Variants in FAM13A observed in about 807,000 individuals in gnomAD.
FAM13A encodes the protein protein FAM13A.
Under a neutral mutation model 129.6 loss-of-function variants are expected in FAM13A, and 76 were observed. The ratio of observed to expected loss-of-function variants is 0.59; its 90% confidence interval spans 0.49 to 0.71. The LOEUF (loss-of-function observed/expected upper bound fraction) is 0.71. Ranked by LOEUF, FAM13A falls within the 30% of genes least tolerant of loss-of-function variation. FAM13A has a pLI of 0.00. For missense variants in FAM13A, 1,108 were observed against 1,249.3 expected, an observed-to-expected ratio of 0.89 and a Z score of 1.70; for synonymous variants, 443 against 449.9, an observed-to-expected ratio of 0.98 and a Z score of 0.20.
chr4:88,984,648 G>T (rs1420910559), intron 4 of FAM13A, among the ~76,000 whole-genome samples: 2 of 152,122 alleles, frequency 1.3e-5, no homozygotes, highest in Admixed American at 1.3e-4. Context: ...AGAGAAACTG[G>T]TTCGCCCATA....
chr4:88,898,407 A>T (rs1478579285), intron 6 of FAM13A, among the ~76,000 whole-genome samples: 1 of 152,176 alleles, frequency 6.6e-6, no homozygotes, highest in East Asian at 1.9e-4. Context: ...ATATTTCAGT[A>T]AAAAAGACAC....
At chr4:88,791,645 A>C (rs531266054) in intron 8 of FAM13A, among the ~76,000 whole-genome samples, 1 of 152,226 alleles carries the variant, frequency 6.6e-6, no homozygotes, top group East Asian at 1.9e-4. Context: ...TTCTTTGTAG[A>C]GACATTCAAA....
rs370019942 is a variant in FAM13A at position 88,889,436 on chromosome 4, C to T, written c.843+16943G>A. Among the ~76,000 whole-genome samples, 27 of 152,180 alleles carry T rather than the reference C, an allele frequency of 1.8e-4. 1 individual carries two copies. Among genetic ancestry groups the T allele is most frequent in the African/African-American group, 6.5e-4 (27 of 41,522 alleles). On this transcript the variant is annotated intron_variant, in intron 6 of 23. Coordinates refer to ENST00000264344, the MANE Select transcript of FAM13A (RefSeq NM_014883.4). The stretch of plus-strand genomic sequence containing the variant: ...AGCTGGTTGTAATGACTGCTTGGTT[C>T]TTTGGATTTTCATCTTTGTAGAGGG...
intron 4 of FAM13A, among the ~76,000 whole-genome samples, chr4:88,950,521 T>C (rs1756778840): frequency 6.6e-6 from 1 of 152,168 alleles, no homozygotes; most frequent in Non-Finnish European, 1.5e-5. Flanking sequence ...ACTTGTATAT[T>C]ACAACAAAGA....
chr4:88,959,426 T>A (rs1202460684), intron 4 of FAM13A, among the ~76,000 whole-genome samples: 1 of 152,238 alleles, frequency 6.6e-6, no homozygotes, highest in Non-Finnish European at 1.5e-5. Context: ...ACTCTCACTC[T>A]GAGTTCACAT....
At chr4:88,924,168 A>G (rs1751674230) in intron 5 of FAM13A, among the ~76,000 whole-genome samples, 1 of 152,186 alleles carries the variant, frequency 6.6e-6, no homozygotes. Flanking sequence ...CCATCAAGCT[A>G]CCAATGACTT....
intron 7 of FAM13A, among the ~76,000 whole-genome samples, chr4:88,841,423 G>A (rs893171409): frequency 1.3e-5 from 2 of 150,806 alleles, no homozygotes; most frequent in African/African-American, 2.4e-5. Flanking sequence ...GAACCCGGGA[G>A]GCGGAGGTTG....
chr4:88,903,459 G>C (rs187515191), intron 6 of FAM13A, among the ~76,000 whole-genome samples: 1 of 152,004 alleles, frequency 6.6e-6, no homozygotes, highest in Non-Finnish European at 1.5e-5. Context: ...AAATAAGACC[G>C]AACACCTACA....
chr4:88,868,294 C>A (rs953148083), intron 6 of FAM13A, among the ~76,000 whole-genome samples: 1 of 152,176 alleles, frequency 6.6e-6, no homozygotes, highest in African/African-American at 2.4e-5. Context: ...TCCCAGTCAT[C>A]GAGTAAGTGC....
At chr4:89,049,522 A>T (rs1473166421) in intron 1 of FAM13A, among the ~76,000 whole-genome samples, 2 of 152,258 alleles carry the variant, frequency 1.3e-5, no homozygotes, top group East Asian at 3.8e-4. Context: ...CCACAAAAGT[A>T]AATTAATTGC....
intron 7 of FAM13A, among the ~76,000 whole-genome samples, chr4:88,815,156 T>C (rs1338054841): frequency 1.3e-5 from 2 of 152,120 alleles, no homozygotes; most frequent in African/African-American, 4.8e-5. Flanking sequence ...CTGAGTTTTA[T>C]TCTTAGATTT....
chr4:89,024,847 C>T (rs550337754), intron 2 of FAM13A, among the ~76,000 whole-genome samples: 24 of 145,978 alleles, frequency 1.6e-4, no homozygotes, highest in African/African-American at 4.7e-4. Context: ...CAGGCCTACC[C>T]GAGCTTGCCC....
chr4:88,867,192 T>C (rs990782985), intron 6 of FAM13A, among the ~76,000 whole-genome samples: 1 of 152,220 alleles, frequency 6.6e-6, no homozygotes, highest in Non-Finnish European at 1.5e-5. Context: ...TTATTTAATA[T>C]ACTTGTTGGT....
At position 88,748,317 on chromosome 4, in the gene FAM13A, T is replaced by C. The variant is rs533650453; in HGVS notation, c.2162-466A>G. 2.6e-5 allele frequency among the ~76,000 whole-genome samples: 4 copies of C among 152,334 alleles called. No homozygotes were observed. The South Asian group carries it at 8.3e-4, about 32-fold the overall frequency. The stretch of plus-strand genomic sequence containing the variant: ...AATCCCTGAATTATTATGTAAAACC[T>C]GAGAGAATGGTAACATTTTCTTTGA... On this transcript the variant is annotated intron_variant, in intron 17 of 23. Coordinates refer to ENST00000264344, the MANE Select transcript of FAM13A (RefSeq NM_014883.4).
chr4:88,758,975 CCTT>C, intron 13 of FAM13A, 74 bp from the exon 14 acceptor site: 1 of 1,491,182 alleles, frequency 6.7e-7, no homozygotes, highest in Non-Finnish European at 9.2e-7. Flanking sequence ...CAATTCCACT[CCTT>C]CAGGATAAAA....
rs764858490 is a variant in FAM13A, at chr4:88,906,393, GT to G, written c.828del (p.Pro277LeufsTer36). On this transcript the variant is annotated frameshift_variant, in exon 6 of 24. Coordinates refer to ENST00000264344, the MANE Select transcript of FAM13A (RefSeq NM_014883.4). LOFTEE classifies it high-confidence loss of function. The stretch of plus-strand genomic sequence containing the variant: ...ACATAGTTTACCTTGGTTTTTGGAG[GT>G]GGTTTTGGCATGTCTCTTTCTAAGC... ...TRGLERDMPK[P>X]PPKTKIPKSR... 1 of 1,610,336 alleles carries G rather than the reference GT, an allele frequency of 6.2e-7. No homozygotes were observed. Among genetic ancestry groups the G allele is most frequent in the South Asian group, 1.1e-5 (1 of 90,728 alleles).
At chr4:88,945,988 GTGTATATA>G (rs1388320568) in intron 4 of FAM13A, among the ~76,000 whole-genome samples, 1 of 13,676 alleles carries the variant, frequency 7.3e-5, no homozygotes, top group African/African-American at 3.3e-4. Flanking sequence ...GTGTGTGTGT[GTGTATATA>G]TATATATATA....
At chr4:88,829,993 A>C (rs1733613541) in intron 7 of FAM13A, among the ~76,000 whole-genome samples, 1 of 152,148 alleles carries the variant, frequency 6.6e-6, no homozygotes, top group South Asian at 2.1e-4. Flanking sequence ...CTTTCTTCTC[A>C]CCTGAGGTTT....
At chr4:88,845,864 A>ATCTGAAACACAC (rs1360776710) in intron 7 of FAM13A, among the ~76,000 whole-genome samples, 1 of 152,234 alleles carries the variant, frequency 6.6e-6, no homozygotes, top group Non-Finnish European at 1.5e-5. Flanking sequence ...AACAACTCTC[A>ATCTGAAACACAC]TCTGAAACAC....
Sources: gnomAD v4.1 joint callset for allele counts (sites outside exome capture counted in the v4.1 genomes callset) on GRCh38, gnomAD v4.1.1 for gene constraint, MANE v1.5 for transcripts, NCBI Gene and HGNC (gene_info 2026-07-23, HGNC 2026-07-21) for gene names.